The following SPPL3 variants were observed in gnomAD, a reference collection of about 807,000 sequenced individuals.
The protein encoded by SPPL3 is signal peptide peptidase like 3.
In SPPL3, 5 loss-of-function variants were observed where a neutral mutation model predicts 42.4. The ratio of observed to expected loss-of-function variants is 0.12; its 90% confidence interval spans 0.06 to 0.25. SPPL3 has a LOEUF of 0.25. Ranked by LOEUF, SPPL3 falls within the 10% of genes least tolerant of loss-of-function variation. The probability of loss-of-function intolerance (pLI) is 1.00; values close to 1 mark genes in which losing one functional copy is unlikely to be tolerated. For synonymous variants in SPPL3, 195 were observed against 181.8 expected (o/e 1.07, Z -0.58); for missense variants, 235 against 489.0 (o/e 0.48, Z 4.90).
At position 120,869,841 on chromosome 12, in the gene SPPL3, A is replaced by G. The variant is rs142779278; in HGVS notation, c.23+34004T>C. 1.5e-4 allele frequency among the ~76,000 whole-genome samples: 23 copies of G among 152,362 alleles called. No homozygotes were observed. In the East Asian group the frequency reaches 3.7e-3, roughly 24 times the overall value. ...CAAGTACAAACAAGAATGAGAACAT[A>G]TATGTTCTGGAACAAACAAATTTCA... On this transcript the variant is annotated intron_variant, in intron 1 of 10. Transcript: ENST00000353487.
chr12:120,827,347 A>AT (rs1871257906), intron 1 of SPPL3, among the ~76,000 whole-genome samples: 2 of 97,120 alleles, frequency 2.1e-5, no homozygotes, highest in African/African-American at 7.3e-5. Flanking sequence ...TAATAATAAT[A>AT]ATAATAATAT....
At chr12:120,765,135 T>G in intron 10 of SPPL3, 65 bp from the exon 11 acceptor site, 1 of 1,503,970 alleles carries the variant, frequency 6.6e-7, no homozygotes, top group South Asian at 1.3e-5. Flanking sequence ...TGTCTGATTC[T>G]TTAAAAAAAA....
intron 2 of SPPL3, among the ~76,000 whole-genome samples, chr12:120,795,210 T>C (rs1870058308): frequency 6.6e-6 from 1 of 152,226 alleles, no homozygotes; most frequent in Admixed American, 6.5e-5. Context: ...ACCTGCCAAG[T>C]AGCTGGGATT....
intron 1 of SPPL3, among the ~76,000 whole-genome samples, chr12:120,894,975 CT>C (rs1873756289): frequency 3.0e-5 from 4 of 135,218 alleles, no homozygotes; most frequent in Admixed American, 2.9e-4. Flanking sequence ...ACAAACAAAC[CT>C]GCTAACAGCT....
chr12:120,884,759 G>T (rs1460888790), intron 1 of SPPL3, among the ~76,000 whole-genome samples: 1 of 148,902 alleles, frequency 6.7e-6, no homozygotes, highest in Admixed American at 6.7e-5. Flanking sequence ...CCTTATGGCT[G>T]GAGATGTTTC....
At chr12:120,895,596 G>C (rs1873776862) in intron 1 of SPPL3, among the ~76,000 whole-genome samples, 1 of 152,168 alleles carries the variant, frequency 6.6e-6, no homozygotes, top group Non-Finnish European at 1.5e-5. Flanking sequence ...TTAAGCGCTG[G>C]CTAAATTGTG....
intron 1 of SPPL3, among the ~76,000 whole-genome samples, chr12:120,842,440 T>C (rs1871864566): frequency 6.6e-6 from 1 of 152,188 alleles, no homozygotes; most frequent in South Asian, 2.1e-4. Context: ...AAAAACATGG[T>C]CCTGAAGAAA....
At chr12:120,769,837 C>A (rs1335611221) in intron 6 of SPPL3, 1 of 152,126 alleles carries the variant, frequency 6.6e-6, no homozygotes, top group East Asian at 1.9e-4. Flanking sequence ...AGGCATGAGC[C>A]ACTGCACCCA....
At chr12:120,858,623 A>G in intron 1 of SPPL3, among the ~76,000 whole-genome samples, 1 of 152,216 alleles carries the variant, frequency 6.6e-6, no homozygotes, top group Non-Finnish European at 1.5e-5. Flanking sequence ...ATAATGCCTT[A>G]AAGAAACTAG....
chr12:120,853,983 T>TACATACAC (rs755902409), intron 1 of SPPL3, among the ~76,000 whole-genome samples: 1 of 130,216 alleles, frequency 7.7e-6, no homozygotes, highest in Non-Finnish European at 1.6e-5. Flanking sequence ...CACGCACACA[T>TACATACAC]ACACACACAC....
intron 2 of SPPL3, among the ~76,000 whole-genome samples, chr12:120,801,136 TTC>T (rs1870280037): frequency 6.6e-6 from 1 of 152,200 alleles, no homozygotes; most frequent in African/African-American, 2.4e-5. Flanking sequence ...GTGGAGGCAT[TTC>T]TCTGAGGCCC....
intron 1 of SPPL3, among the ~76,000 whole-genome samples, chr12:120,873,562 G>T (rs532967702): frequency 6.6e-6 from 1 of 152,058 alleles, no homozygotes; most frequent in Non-Finnish European, 1.5e-5. Flanking sequence ...GGAAAAGGCC[G>T]TATTATTCAG....
chr12:120,855,293 C>T (rs998523108), intron 1 of SPPL3, among the ~76,000 whole-genome samples: 1 of 152,160 alleles, frequency 6.6e-6, no homozygotes, highest in Non-Finnish European at 1.5e-5. Flanking sequence ...CAATTAGAAA[C>T]TGACAAATGT....
At chr12:120,805,707 T>C (rs1279550657) in intron 2 of SPPL3, among the ~76,000 whole-genome samples, 1 of 152,202 alleles carries the variant, frequency 6.6e-6, no homozygotes, top group Admixed American at 6.5e-5. Flanking sequence ...ATTGTAGTTC[T>C]ATATACTTAG....
intron 1 of SPPL3, 114 bp downstream of exon 1, chr12:120,903,731 C>CA: frequency 1.9e-6 from 1 of 536,144 alleles, no homozygotes; most frequent in Non-Finnish European, 3.0e-6. Flanking sequence ...CCCCAACCCG[C>CA]GCCCCCCCCC....
chr12:120,853,944 A>C (rs1014295623), intron 1 of SPPL3, among the ~76,000 whole-genome samples: 1 of 150,768 alleles, frequency 6.6e-6, no homozygotes, highest in African/African-American at 2.4e-5. Context: ...CCAAAACCAC[A>C]TGAAAACAAA....
intron 1 of SPPL3, among the ~76,000 whole-genome samples, chr12:120,882,040 G>A (rs1566068728): frequency 1.3e-5 from 2 of 151,998 alleles, no homozygotes; most frequent in Admixed American, 6.6e-5. Flanking sequence ...AAAGTCGTAA[G>A]TTTTAAAGTG....
rs1592951498 is a variant in SPPL3 at position 120,766,135 on chromosome 12, C to CACAA, written c.1083+127_1083+128insTTGT. ...ACACACACACACACACACACACACA[C>CACAA]ACACACAGTCGAGATCACAAGCTCA... On this transcript the variant is annotated intron_variant, in intron 10 of 10. Transcript: ENST00000353487. 8 of 656,708 alleles carry CACAA rather than the reference C, an allele frequency of 1.2e-5. No individual in the cohort carries two copies. The East Asian group carries it at 2.5e-4, about 20-fold the overall frequency. 40.7% of individuals were successfully genotyped at this position (656,708 alleles called of 1,614,324 possible). A position where few individuals can be genotyped will look rare whatever the true frequency, so the allele number is the denominator to read the frequency against.
intron 10 of SPPL3, among the ~76,000 whole-genome samples, chr12:120,765,543 G>A (rs1049889090): frequency 3.3e-5 from 5 of 152,232 alleles, no homozygotes; most frequent in African/African-American, 7.2e-5. Flanking sequence ...CTCCCAAGGT[G>A]CGGGGGTTAC....
Sources: allele counts gnomAD v4.1 joint callset (sites outside exome capture counted in the v4.1 genomes callset), GRCh38; gene constraint gnomAD v4.1.1; transcripts MANE v1.5; gene names NCBI Gene and HGNC (gene_info 2026-07-23, HGNC 2026-07-21).